Variants in UNC5D observed in about 807,000 individuals in gnomAD.
The protein encoded by UNC5D is netrin receptor UNC5D.
UNC5D carries 39 observed loss-of-function variants against 105.4 expected under a neutral mutation model. The ratio of observed to expected loss-of-function variants is 0.37; its 90% CI spans 0.29 to 0.48. The LOEUF is 0.48. Ranked by LOEUF, UNC5D falls within the 20% of genes least tolerant of loss-of-function variation. The pLI, the probability that UNC5D is intolerant of heterozygous loss-of-function variation, is 0.98. For synonymous variants in UNC5D, 452 were observed against 450.4 expected, an observed-to-expected ratio of 1.00 and a Z score of -0.04; for missense variants, 991 against 1,202.4, an observed-to-expected ratio of 0.82 and a Z score of 2.60.
intron 4 of UNC5D, among the ~76,000 whole-genome samples, chr8:35,663,649 A>T (rs1412541929): frequency 6.6e-6 from 1 of 152,198 alleles, no homozygotes. Flanking sequence ...GTTATGGTGT[A>T]TACATGTGAA....
intron 1 of UNC5D, among the ~76,000 whole-genome samples, chr8:35,497,613 T>A (rs1292158034): frequency 1.3e-5 from 2 of 151,428 alleles, no homozygotes; most frequent in Non-Finnish European, 2.9e-5. Context: ...TGGAAATATC[T>A]AATTTTTACA....
At chr8:35,301,591 T>C (rs1807962157) in intron 1 of UNC5D, among the ~76,000 whole-genome samples, 1 of 152,224 alleles carries the variant, frequency 6.6e-6, no homozygotes, top group South Asian at 2.1e-4. Context: ...TTCTGTTATT[T>C]AGCATAGCGT....
intron 4 of UNC5D, among the ~76,000 whole-genome samples, chr8:35,643,032 C>T (rs1822844379): frequency 6.6e-6 from 1 of 152,102 alleles, no homozygotes; most frequent in Non-Finnish European, 1.5e-5. Flanking sequence ...TCTGGTCACC[C>T]TGCTGTTTCT....
intron 13 of UNC5D, among the ~76,000 whole-genome samples, chr8:35,752,691 G>A (rs1830343992): frequency 6.6e-6 from 1 of 152,252 alleles, no homozygotes; most frequent in African/African-American, 2.4e-5. Flanking sequence ...ATATATAACA[G>A]ATATTCAGGA....
At chr8:35,492,589 T>TA (rs35270424) in intron 1 of UNC5D, among the ~76,000 whole-genome samples, 21,922 of 151,588 alleles carry the variant, frequency 0.14, 2,001 homozygotes, top group East Asian at 0.27. Context: ...ATTAACAGGA[T>TA]AAAAAACATG....
intron 1 of UNC5D, among the ~76,000 whole-genome samples, chr8:35,352,934 T>C (rs943210553): frequency 5.3e-5 from 8 of 152,128 alleles, no homozygotes; most frequent in African/African-American, 1.9e-4. Flanking sequence ...TTCTTAATAA[T>C]GGCACCTGAC....
intron 1 of UNC5D, among the ~76,000 whole-genome samples, chr8:35,397,811 C>T (rs2128947211): frequency 6.6e-6 from 1 of 152,314 alleles, no homozygotes; most frequent in Admixed American, 6.5e-5. Flanking sequence ...CCACACTCCA[C>T]CAAGAGCCTG....
At chr8:35,575,345 C>T (rs138124596) in intron 3 of UNC5D, among the ~76,000 whole-genome samples, 212 of 152,214 alleles carry the variant, frequency 1.4e-3, no homozygotes, top group Admixed American at 3.2e-3. Flanking sequence ...AGAAAAAGAC[C>T]TTTGTTAGCT....
chr8:35,768,727 A>T (rs1801881703), intron 15 of UNC5D, among the ~76,000 whole-genome samples: 1 of 152,232 alleles, frequency 6.6e-6, no homozygotes, highest in Non-Finnish European at 1.5e-5. Context: ...TTAGCTAATA[A>T]ACACAACCTT....
chr8:35,468,467 T>C (rs1370819777), intron 1 of UNC5D, among the ~76,000 whole-genome samples: 2 of 152,172 alleles, frequency 1.3e-5, no homozygotes, highest in East Asian at 3.9e-4. Flanking sequence ...CCCAGCTATC[T>C]ATTGTATGAG....
chr8:35,772,676 A>G (rs1802061116), intron 15 of UNC5D, among the ~76,000 whole-genome samples: 1 of 152,210 alleles, frequency 6.6e-6, no homozygotes, highest in Non-Finnish European at 1.5e-5. Flanking sequence ...CCCTTGGATT[A>G]GTTTTCTTTT....
At chr8:35,526,765 G>A (rs994126977) in intron 1 of UNC5D, among the ~76,000 whole-genome samples, 4 of 151,470 alleles carry the variant, frequency 2.6e-5, no homozygotes, top group Non-Finnish European at 5.9e-5. Flanking sequence ...AGTTTCCTCC[G>A]AGTATTCAAA....
intron 16 of UNC5D, among the ~76,000 whole-genome samples, chr8:35,787,679 A>G (rs1802810659): frequency 6.6e-6 from 1 of 152,242 alleles, no homozygotes; most frequent in Admixed American, 6.5e-5. Context: ...ATGCAGTGGT[A>G]CAATCATAGC....
chr8:35,662,274 A>G (rs965420515), intron 4 of UNC5D, among the ~76,000 whole-genome samples: 1 of 151,720 alleles, frequency 6.6e-6, no homozygotes. Flanking sequence ...TGGCAGCCCC[A>G]TATGTAGTTA....
intron 1 of UNC5D, chr8:35,525,544 C>T (rs1813807158): frequency 2.6e-5 from 42 of 1,612,350 alleles, no homozygotes; most frequent in Non-Finnish European, 3.5e-5. Flanking sequence ...GGAGGGGTTT[C>T]TGTTCGGTCA....
chr8:35,357,830 A>T (rs987027787), intron 1 of UNC5D, among the ~76,000 whole-genome samples: 1 of 152,114 alleles, frequency 6.6e-6, no homozygotes, highest in Admixed American at 6.6e-5. Flanking sequence ...TTTCATTGAG[A>T]ACATGCTTTT....
At chr8:35,240,255 C>G (rs1802723381) in intron 1 of UNC5D, among the ~76,000 whole-genome samples, 1 of 152,112 alleles carries the variant, frequency 6.6e-6, no homozygotes, top group African/African-American at 2.4e-5. Context: ...TGGCCTCACC[C>G]CTTTACTTTC....
intron 1 of UNC5D, among the ~76,000 whole-genome samples, chr8:35,393,293 C>T (rs1803896297): frequency 2.6e-5 from 4 of 151,530 alleles, no homozygotes; most frequent in Middle Eastern, 3.4e-3. Context: ...GCCACCTCGC[C>T]CGGCTAATTT....
intron 7 of UNC5D, among the ~76,000 whole-genome samples, chr8:35,703,809 A>G (rs1278589459): frequency 2.0e-5 from 3 of 152,228 alleles, no homozygotes; most frequent in Non-Finnish European, 4.4e-5. Flanking sequence ...GTGTAGTTGT[A>G]GCAATGTATC....
Sources: allele counts gnomAD v4.1 joint callset (sites outside exome capture counted in the v4.1 genomes callset), GRCh38; gene constraint gnomAD v4.1.1; transcripts MANE v1.5; gene names NCBI Gene and HGNC (gene_info 2026-07-23, HGNC 2026-07-21).